Variants in PLXNA2 observed in about 807,000 individuals in gnomAD.
PLXNA2 encodes the protein plexin-A2.
A neutral mutation model predicts 193.5 loss-of-function variants in PLXNA2; 91 were observed. The observed-to-expected ratio is 0.47, with a 90% CI of 0.40 to 0.56. The LOEUF (loss-of-function observed/expected upper bound fraction) is 0.56. Ranked by LOEUF, PLXNA2 falls within the 20% of genes least tolerant of loss-of-function variation. PLXNA2 has a pLI of 0.00. For synonymous variants in PLXNA2, 997 were observed against 1,027.3 expected, an observed-to-expected ratio of 0.97 and a Z score of 0.56; for missense variants, 1,995 against 2,503.2, an observed-to-expected ratio of 0.80 and a Z score of 4.33.
chr1:208,163,303 T>A (rs1351434321), intron 3 of PLXNA2, among the ~76,000 whole-genome samples: 1 of 151,998 alleles, frequency 6.6e-6, no homozygotes, highest in Non-Finnish European at 1.5e-5. Flanking sequence ...ATATAAAAAA[T>A]GTGAAAGCTA....
At chr1:208,146,396 A>T (rs527547561) in intron 3 of PLXNA2, among the ~76,000 whole-genome samples, 20 of 152,296 alleles carry the variant, frequency 1.3e-4, no homozygotes, top group Admixed American at 5.2e-4. Context: ...TCTTGTCTAA[A>T]CTCTTCCATT....
chr1:208,128,067 C>T (rs368376096), intron 4 of PLXNA2, among the ~76,000 whole-genome samples: 55 of 152,216 alleles, frequency 3.6e-4, no homozygotes, highest in Non-Finnish European at 5.3e-4. Context: ...GCCTGAGGGG[C>T]GGGCAGAGAG....
chr1:208,212,228 C>T (rs1356498287), intron 2 of PLXNA2, among the ~76,000 whole-genome samples: 1 of 152,184 alleles, frequency 6.6e-6, no homozygotes, highest in East Asian at 1.9e-4. Flanking sequence ...CGTTGACAGC[C>T]TCATTTCTTT....
chr1:208,153,040 C>T (rs1390744490), intron 3 of PLXNA2, among the ~76,000 whole-genome samples: 2 of 152,118 alleles, frequency 1.3e-5, no homozygotes, highest in South Asian at 4.1e-4. Context: ...GAGAAGAAAC[C>T]ATGCTTTGTA....
rs1293131794 is a variant in PLXNA2 at position 208,029,482 on chromosome 1, C to G, written c.5226-440G>C. The G allele has an allele frequency of 4.9e-6, 5 of 1,010,460 alleles. No homozygotes were observed. The East Asian group carries it at 4.9e-4, about 99-fold the overall frequency. 62.6% of individuals were successfully genotyped at this position (1,010,460 alleles called of 1,614,324 possible). The stretch of plus-strand genomic sequence containing the variant: ...AGGAGCCCCAGGCTCAGCCTCGGAG[C>G]AGGCACAAAGGGCGCCACCTGCGCT... On this transcript the variant is annotated intron_variant, in intron 29 of 31. Coordinates refer to ENST00000367033, the MANE Select transcript of PLXNA2 (RefSeq NM_025179.4).
intron 3 of PLXNA2, among the ~76,000 whole-genome samples, chr1:208,153,181 T>C (rs1668824986): frequency 6.6e-6 from 1 of 152,182 alleles, no homozygotes; most frequent in South Asian, 2.1e-4. Context: ...ATGGCTCACA[T>C]TGACTGAACT....
intron 22 of PLXNA2, chr1:208,040,313 G>C: frequency 3.9e-6 from 2 of 507,350 alleles, no homozygotes; most frequent in Non-Finnish European, 7.1e-6. Context: ...GGTCCGTGGT[G>C]CTCTGAACTT....
intron 3 of PLXNA2, among the ~76,000 whole-genome samples, chr1:208,203,746 A>G (rs1670625342): frequency 1.4e-5 from 2 of 140,606 alleles, no homozygotes; most frequent in Admixed American, 7.3e-5. Context: ...GTATAGCTAC[A>G]GCTCAGTTTC....
At position 208,024,170 on chromosome 1, in the gene PLXNA2, C is replaced by G. The variant is rs1306127539; in HGVS notation, c.*3073G>C. 1 of 152,242 alleles carries G rather than the reference C, an allele frequency of 6.6e-6. No homozygotes were observed. The highest frequency in any genetic ancestry group is 1.9e-4 in the East Asian group (1 of 5,184). The allele number at this position is 152,242 out of a possible 1,614,324, so 9.4% of individuals were successfully genotyped here. On this transcript the variant is annotated 3_prime_UTR_variant, in exon 32 of 32. Coordinates refer to ENST00000367033, the MANE Select transcript of PLXNA2 (RefSeq NM_025179.4). Reference sequence around the variant, plus strand: ...TGCAGATCAATGAAACGAAGCGAAGCTGGATAGACTTTGGAGAGAGACTTC... The same window carrying G: ...TGCAGATCAATGAAACGAAGCGAAGGTGGATAGACTTTGGAGAGAGACTTC...
chr1:208,069,178 A>G (rs1025906999), intron 12 of PLXNA2, among the ~76,000 whole-genome samples: 1 of 152,188 alleles, frequency 6.6e-6, no homozygotes, highest in Admixed American at 6.5e-5. Context: ...CCTAGGTCAT[A>G]GCACATATGA....
intron 29 of PLXNA2, chr1:208,030,580 C>T: frequency 1.0e-6 from 1 of 985,434 alleles, no homozygotes; most frequent in Non-Finnish European, 1.2e-6. Flanking sequence ...GGCTCAGCGA[C>T]CACAAGACCC....
intron 12 of PLXNA2, among the ~76,000 whole-genome samples, chr1:208,075,922 G>A (rs1327791974): frequency 6.6e-6 from 1 of 152,002 alleles, no homozygotes; most frequent in Non-Finnish European, 1.5e-5. Flanking sequence ...GCCAGGCGTG[G>A]TGGTGCATGC....
At chr1:208,174,868 A>G (rs1669614544) in intron 3 of PLXNA2, among the ~76,000 whole-genome samples, 2 of 152,194 alleles carry the variant, frequency 1.3e-5, no homozygotes, top group Admixed American at 6.5e-5. Flanking sequence ...AAATTCCCCG[A>G]GGAAATGAGC....
chr1:208,035,985 C>T (rs1031401132), intron 26 of PLXNA2, among the ~76,000 whole-genome samples: 1 of 152,192 alleles, frequency 6.6e-6, no homozygotes, highest in African/African-American at 2.4e-5. Flanking sequence ...TGCAAGGGCT[C>T]CAAGGACCTT....
chr1:208,066,697 A>G (rs527770985), intron 12 of PLXNA2, among the ~76,000 whole-genome samples: 24 of 152,270 alleles, frequency 1.6e-4, no homozygotes, highest in African/African-American at 5.1e-4. Context: ...AGCCTCAGGG[A>G]GGACCTTCAG....
intron 9 of PLXNA2, among the ~76,000 whole-genome samples, chr1:208,089,926 G>A (rs1349884351): frequency 2.0e-5 from 3 of 152,136 alleles, no homozygotes; most frequent in Non-Finnish European, 4.4e-5. Flanking sequence ...CCCAAGTTGG[G>A]CATGTGCATC....
intron 28 of PLXNA2, chr1:208,031,975 C>T (rs1664518329): frequency 1.0e-6 from 1 of 985,108 alleles, no homozygotes; most frequent in Non-Finnish European, 1.2e-6. Flanking sequence ...AATCTCTCCT[C>T]CAACCTGCAG....
At chr1:208,173,422 T>G (rs941820083) in intron 3 of PLXNA2, among the ~76,000 whole-genome samples, 1 of 152,238 alleles carries the variant, frequency 6.6e-6, no homozygotes, top group African/African-American at 2.4e-5. Context: ...TATATTATCT[T>G]ATTTAATCCT....
intron 3 of PLXNA2, among the ~76,000 whole-genome samples, chr1:208,183,402 G>C (rs1558233141): frequency 6.6e-6 from 1 of 152,164 alleles, no homozygotes; most frequent in Non-Finnish European, 1.5e-5. Context: ...GGATGGGGGA[G>C]TAGAGGGAGC....
Sources: allele counts gnomAD v4.1 joint callset (sites outside exome capture counted in the v4.1 genomes callset), GRCh38; gene constraint gnomAD v4.1.1; transcripts MANE v1.5; gene names NCBI Gene and HGNC (gene_info 2026-07-23, HGNC 2026-07-21).